Variants in S100PBP observed in about 807,000 individuals in gnomAD.
S100PBP encodes the protein S100P-binding protein.
In S100PBP, 15 loss-of-function variants were observed where a neutral mutation model predicts 39.9. The observed-to-expected ratio is 0.38, with a 90% confidence interval of 0.25 to 0.58. S100PBP has a LOEUF of 0.58. Among genes scored for constraint, S100PBP ranks in the 20% least tolerant of loss-of-function variants. The pLI, the probability that S100PBP is intolerant of heterozygous loss-of-function variation, is 0.70. For missense variants in S100PBP, 504 were observed against 487.3 expected (o/e 1.03, Z -0.32); for synonymous variants, 178 against 180.3 (o/e 0.99, Z 0.10).
In S100PBP at chr1:32,825,803, C is replaced by T. The variant is rs571159934; in HGVS notation, c.-2-295C>T. Among the ~76,000 whole-genome samples the T allele has an allele frequency of 3.9e-5, 6 of 152,290 alleles. No individual in the cohort carries two copies. In the South Asian group the frequency reaches 6.2e-4, roughly 16 times the overall value. On this transcript the variant is annotated intron_variant, in intron 2 of 6. Coordinates refer to ENST00000373475, the MANE Select transcript of S100PBP (RefSeq NM_022753.4). ...AGTCAAATTACTCTTCACAAAATATCGTACTGACTTAACGCTTTTACTGAT... is the reference window on the plus strand; with the variant it reads ...AGTCAAATTACTCTTCACAAAATATTGTACTGACTTAACGCTTTTACTGAT...
intron 3 of S100PBP, 62 bp from the exon 4 acceptor site, chr1:32,827,931 T>A: frequency 8.7e-7 from 1 of 1,145,450 alleles, no homozygotes; most frequent in South Asian, 1.3e-5. Context: ...AAATAGTGTT[T>A]TCAGTGCTTT....
chr1:32,858,842 T>C lies in S100PBP; in HGVS notation c.*2804T>C, dbSNP rs551787218. On this transcript the variant is annotated 3_prime_UTR_variant, in exon 7 of 7. Coordinates refer to ENST00000373475, the MANE Select transcript of S100PBP (RefSeq NM_022753.4). ...TCCCTTGTAGCAGTTGTGTTTAATG[T>C]CATTAAAAAGAAATAAAAGTTCTTT... 4 of 152,276 alleles carry C rather than the reference T, an allele frequency of 2.6e-5. No homozygotes were observed. Among genetic ancestry groups the C allele is most frequent in the Admixed American group, 2.6e-4 (4 of 15,296 alleles). The allele number at this position is 152,276 out of a possible 1,614,324, so 9.4% of individuals were successfully genotyped here. A position where few individuals can be genotyped will look rare whatever the true frequency, so the allele number is the denominator to read the frequency against.
chr1:32,827,977 CT>C lies in S100PBP; in HGVS notation c.832-12del. 5 of 1,569,532 alleles carry C rather than the reference CT, an allele frequency of 3.2e-6. No individual in the cohort carries two copies. Among genetic ancestry groups the C allele is most frequent in the South Asian group, 2.3e-5 (2 of 88,504 alleles). On this transcript the variant is annotated splice_polypyrimidine_tract_variant and intron_variant, in intron 3 of 6. Coordinates refer to ENST00000373475, the MANE Select transcript of S100PBP (RefSeq NM_022753.4). ...AAGAATCACCTTTCCTTTTGCATTC[CT>C]TTTCCTCAAAAAAGCAGGATGTTCT...
At chr1:32,828,852 A>T (rs545263865) in intron 4 of S100PBP, among the ~76,000 whole-genome samples, 1 of 152,090 alleles carries the variant, frequency 6.6e-6, no homozygotes, top group African/African-American at 2.4e-5. Flanking sequence ...AATACAAAAA[A>T]ATACCCAGGT....
At chr1:32,825,955 T>A (rs1418795832) in intron 2 of S100PBP, 143 bp from the exon 3 acceptor site, 2 of 625,970 alleles carry the variant, frequency 3.2e-6, no homozygotes, top group Non-Finnish European at 5.5e-6. Flanking sequence ...TCTGGTAAGG[T>A]TAAATATCTT....
intron 6 of S100PBP, among the ~76,000 whole-genome samples, chr1:32,855,520 G>A (rs1326795107): frequency 6.6e-6 from 1 of 152,118 alleles, no homozygotes; most frequent in Non-Finnish European, 1.5e-5. Flanking sequence ...AGCTGTGTCA[G>A]ACAATGAGGT....
intron 5 of S100PBP, among the ~76,000 whole-genome samples, chr1:32,849,747 T>C (rs1441110425): frequency 6.6e-6 from 1 of 152,254 alleles, no homozygotes; most frequent in Admixed American, 6.5e-5. Flanking sequence ...CTATGAAATG[T>C]TGCTCCCAGA....
In S100PBP at chr1:32,856,120, G is replaced by A. The variant is rs886675531; in HGVS notation, c.*82G>A. 1.1e-6 allele frequency: 1 copy of A among 873,616 alleles called. No homozygotes were observed. 54.1% of individuals were successfully genotyped at this position (873,616 alleles called of 1,614,324 possible). On this transcript the variant is annotated 3_prime_UTR_variant, in exon 7 of 7. Transcript: ENST00000373475. Reference sequence around the variant, plus strand: ...ATTTCATGTTCTTTTGCTGTTTTGTGCTTTGCCGATTTTGGATTTTATTTT... The same window carrying A: ...ATTTCATGTTCTTTTGCTGTTTTGTACTTTGCCGATTTTGGATTTTATTTT...
chr1:32,826,311 AG>A lies in S100PBP; in HGVS notation c.213del (p.Gln71HisfsTer37). 1 of 1,614,130 alleles carries A rather than the reference AG, an allele frequency of 6.2e-7. No individual in the cohort carries two copies. Among genetic ancestry groups the A allele is most frequent in the Middle Eastern group, 1.6e-4 (1 of 6,062 alleles). On this transcript the variant is annotated frameshift_variant, in exon 3 of 7. Transcript: ENST00000373475. LOFTEE classifies it high-confidence loss of function. ...AAGGAAGATGACCCATCATATGAGC[AG>A]TCTTCTGGGGAAGATGATGGTGGGC... ...LLKEDDPSYE[Q>X]SSGEDDGGHV...
chr1:32,852,255 G>A (rs1275634530), intron 5 of S100PBP, among the ~76,000 whole-genome samples: 1 of 151,966 alleles, frequency 6.6e-6, no homozygotes, highest in Non-Finnish European at 1.5e-5. Context: ...AGAGGTTGCA[G>A]TGAACCGAAA....
At chr1:32,843,694 C>G (rs1640223317) in intron 5 of S100PBP, among the ~76,000 whole-genome samples, 1 of 151,982 alleles carries the variant, frequency 6.6e-6, no homozygotes, top group Non-Finnish European at 1.5e-5. Flanking sequence ...CTCAAGTGAT[C>G]CGACCACCTT....
chr1:32,822,620 CA>C (rs922887705), intron 1 of S100PBP, among the ~76,000 whole-genome samples: 362 of 77,792 alleles, frequency 4.7e-3, no homozygotes, highest in African/African-American at 8.7e-3. Flanking sequence ...GACTCCGTTT[CA>C]AAAAAAAAAA....
chr1:32,841,660 T>C (rs1212310945), intron 5 of S100PBP, among the ~76,000 whole-genome samples: 1 of 134,398 alleles, frequency 7.4e-6, no homozygotes, highest in Admixed American at 8.8e-5. Context: ...ACCCGGAAAG[T>C]AAAGATTGCT....
chr1:32,846,045 A>T (rs1366204523), intron 5 of S100PBP, among the ~76,000 whole-genome samples: 1 of 151,098 alleles, frequency 6.6e-6, no homozygotes, highest in Non-Finnish European at 1.5e-5. Context: ...GCTGGAGTGC[A>T]ATAGTGTGGT....
At chr1:32,833,809 G>C (rs1016535451) in intron 5 of S100PBP, among the ~76,000 whole-genome samples, 1 of 151,784 alleles carries the variant, frequency 6.6e-6, no homozygotes, top group Admixed American at 6.6e-5. Flanking sequence ...AATATATACA[G>C]GGAAATTACA....
At chr1:32,816,743 A>G (rs1638748606), upstream of S100PBP, 1 of 175,458 alleles carries the variant, frequency 5.7e-6, no homozygotes, top group African/African-American at 2.4e-5. Context: ...TTTGGAGGTC[A>G]CTTCCTCAGG....
intron 5 of S100PBP, among the ~76,000 whole-genome samples, chr1:32,832,834 G>A (rs1639659483): frequency 6.6e-6 from 1 of 152,148 alleles, no homozygotes; most frequent in Non-Finnish European, 1.5e-5. Flanking sequence ...GTTCTTGCCA[G>A]TTCAGTTTGA....
At chr1:32,829,326 G>C (rs182608363) in intron 4 of S100PBP, among the ~76,000 whole-genome samples, 2 of 152,062 alleles carry the variant, frequency 1.3e-5, no homozygotes, top group Admixed American at 6.6e-5. Context: ...TAACTTTTCA[G>C]TTTCACTCTA....
intron 1 of S100PBP, among the ~76,000 whole-genome samples, chr1:32,824,645 C>CTTG (rs750140375): frequency 9.4e-4 from 142 of 151,718 alleles, no homozygotes; most frequent in Non-Finnish European, 1.6e-3. Flanking sequence ...TCTCTGCAGC[C>CTTG]TTGACCTCCC....
Sources: allele counts gnomAD v4.1 joint callset (sites outside exome capture counted in the v4.1 genomes callset), GRCh38; gene constraint gnomAD v4.1.1; transcripts MANE v1.5; gene names NCBI Gene and HGNC (gene_info 2026-07-23, HGNC 2026-07-21).